Variants in CCDC80 observed in about 807,000 individuals in gnomAD.
CCDC80 encodes the protein coiled-coil domain-containing protein 80.
A neutral mutation model predicts 78.7 loss-of-function variants in CCDC80; 49 were observed. The ratio of observed to expected loss-of-function variants is 0.62; its 90% CI spans 0.50 to 0.79. CCDC80 has a LOEUF of 0.79. CCDC80 is among the 30% of genes least tolerant of loss of function. The probability of loss-of-function intolerance (pLI) is 0.00; values close to 1 mark genes in which losing one functional copy is unlikely to be tolerated. For missense variants in CCDC80, 1,205 were observed against 1,198.6 expected, an observed-to-expected ratio of 1.01 and a Z score of -0.08; for synonymous variants, 488 against 447.0, an observed-to-expected ratio of 1.09 and a Z score of -1.16.
chr3:112,621,026 A>G (rs1445344064), intron 3 of CCDC80, among the ~76,000 whole-genome samples: 1 of 152,188 alleles, frequency 6.6e-6, no homozygotes, highest in Non-Finnish European at 1.5e-5. Flanking sequence ...AAATCACTGA[A>G]TGGCTCAGAT....
chr3:112,632,849 C>A (rs777885246), intron 2 of CCDC80, among the ~76,000 whole-genome samples: 1 of 152,194 alleles, frequency 6.6e-6, no homozygotes, highest in Non-Finnish European at 1.5e-5. Flanking sequence ...GTTCTGGCCC[C>A]GGGCTCTCTT....
intron 2 of CCDC80, among the ~76,000 whole-genome samples, chr3:112,636,955 G>T: frequency 6.6e-6 from 1 of 152,168 alleles, no homozygotes; most frequent in East Asian, 1.9e-4. Flanking sequence ...GGAAATTTTG[G>T]AGGGGCAGTA....
At chr3:112,608,577 G>A (rs1172095934) in intron 6 of CCDC80, among the ~76,000 whole-genome samples, 2 of 152,110 alleles carry the variant, frequency 1.3e-5, no homozygotes, top group Non-Finnish European at 2.9e-5. Flanking sequence ...CCACCAAATA[G>A]CTGCTACAAA....
chr3:112,636,840 T>C (rs1936217510), intron 2 of CCDC80, among the ~76,000 whole-genome samples: 1 of 152,176 alleles, frequency 6.6e-6, no homozygotes, highest in Admixed American at 6.5e-5. Flanking sequence ...CTGACTCACA[T>C]TACCCAACAT....
intron 7 of CCDC80, 34 bp downstream of exon 7, chr3:112,607,142 T>C: frequency 6.8e-7 from 1 of 1,465,004 alleles, no homozygotes; most frequent in Non-Finnish European, 9.5e-7. Flanking sequence ...AACTTAACAC[T>C]AGTTCATACT....
chr3:112,637,726 G>T (rs1040749984), intron 2 of CCDC80, among the ~76,000 whole-genome samples: 1 of 152,148 alleles, frequency 6.6e-6, no homozygotes. Flanking sequence ...ATGGGGGAAG[G>T]GTCCCTACAG....
intron 3 of CCDC80, among the ~76,000 whole-genome samples, chr3:112,621,300 C>A (rs1935862711): frequency 6.6e-6 from 1 of 152,162 alleles, no homozygotes; most frequent in Non-Finnish European, 1.5e-5. Flanking sequence ...TGAGAATATG[C>A]CCACACCAGC....
rs1935365464 is a variant in CCDC80 at position 112,601,089 on chromosome 3, C to A, written c.*4328G>T. On this transcript the variant is annotated 3_prime_UTR_variant, in exon 8 of 8. Transcript: ENST00000206423. Reference sequence around the variant, plus strand: ...TAATTCACACACTAAGAACTGAGTTCTAAAGTCACTTGAGCTTTCTGGAGC... The same window carrying A: ...TAATTCACACACTAAGAACTGAGTTATAAAGTCACTTGAGCTTTCTGGAGC... The A allele has an allele frequency of 6.6e-6, 1 of 152,154 alleles. No homozygotes were observed. The highest frequency in any genetic ancestry group is 2.4e-5 in the African/African-American group (1 of 41,428). 9.4% of individuals were successfully genotyped at this position (152,154 alleles called of 1,614,324 possible).
chr3:112,609,845 A>C lies in CCDC80; in HGVS notation c.2425+133T>G. On this transcript the variant is annotated intron_variant, in intron 6 of 7. Coordinates refer to ENST00000206423, the MANE Select transcript of CCDC80 (RefSeq NM_199511.3). ...AGCAACTTTATACTCAATATAGTAGAGTATGTGTCTGGAAACCTGAACAGT... is the reference window on the plus strand; with the variant it reads ...AGCAACTTTATACTCAATATAGTAGCGTATGTGTCTGGAAACCTGAACAGT... The C allele has an allele frequency of 6.2e-6, 4 of 643,012 alleles. 1 individual carries two copies. In the South Asian group the frequency reaches 8.9e-5, roughly 14 times the overall value. 39.8% of individuals were successfully genotyped at this position (643,012 alleles called of 1,614,324 possible). A position where few individuals can be genotyped will look rare whatever the true frequency, so the allele number is the denominator to read the frequency against.
intron 5 of CCDC80, among the ~76,000 whole-genome samples, chr3:112,614,509 C>T (rs914823031): frequency 2.0e-5 from 3 of 151,800 alleles, no homozygotes; most frequent in African/African-American, 7.3e-5. Flanking sequence ...TGTTTTAATA[C>T]CCCCGAGACC....
At position 112,602,587 on chromosome 3, in the gene CCDC80, G is replaced by A. The variant is rs189569066; in HGVS notation, c.*2830C>T. 1 of 152,232 alleles carries A rather than the reference G, an allele frequency of 6.6e-6. No individual in the cohort carries two copies. The highest frequency in any genetic ancestry group is 2.4e-5 in the African/African-American group (1 of 41,454). The allele number at this position is 152,232 out of a possible 1,614,324, so 9.4% of individuals were successfully genotyped here. ...GTAAAACAGCCTTACTGCTGATATG[G>A]AGAAACTTTGAGTCATCTGAATAGA... On this transcript the variant is annotated 3_prime_UTR_variant, in exon 8 of 8. Transcript: ENST00000206423.
intron 4 of CCDC80, among the ~76,000 whole-genome samples, chr3:112,617,131 G>T (rs1197917104): frequency 6.6e-6 from 1 of 152,120 alleles, no homozygotes; most frequent in African/African-American, 2.4e-5. Flanking sequence ...CACCATACAA[G>T]TCCTAGGTTC....
At position 112,638,801 on chromosome 3, in the gene CCDC80, C is replaced by G; in HGVS notation, c.1105G>C (p.Val369Leu). The G allele has an allele frequency of 1.2e-6, 2 of 1,613,746 alleles. No individual in the cohort carries two copies. Among genetic ancestry groups the G allele is most frequent in the Non-Finnish European group, 1.7e-6 (2 of 1,179,990 alleles). Residue 369 changes from valine to leucine, a missense_variant, in exon 2 of 8, where the codon GTA becomes CTA. Val to Leu is a conservative substitution (Grantham distance 32). Coordinates refer to ENST00000206423, the MANE Select transcript of CCDC80 (RefSeq NM_199511.3). ...TTVTRSTSRAVTVAARPMTTT... is the reference protein window; with the variant it reads ...TTVTRSTSRALTVAARPMTTT... ...GTCATAGGTCTTGCAGCAACTGTTA[C>G]CGCCCGGGACGTGGACCGAGTCACT...
chr3:112,608,736 T>G (rs771955018), intron 6 of CCDC80, among the ~76,000 whole-genome samples: 4 of 152,188 alleles, frequency 2.6e-5, no homozygotes, highest in Non-Finnish European at 5.9e-5. Flanking sequence ...ACAATCAAAT[T>G]TATATGTTAA....
At position 112,602,942 on chromosome 3, in the gene CCDC80, AC is replaced by A. The variant is rs1343391292; in HGVS notation, c.*2474del. 1 of 153,782 alleles carries A rather than the reference AC, an allele frequency of 6.5e-6. No homozygotes were observed. The highest frequency in any genetic ancestry group is 1.4e-5 in the Non-Finnish European group (1 of 69,284). The allele number at this position is 153,782 out of a possible 1,614,324, so 9.5% of individuals were successfully genotyped here. A position where few individuals can be genotyped will look rare whatever the true frequency, so the allele number is the denominator to read the frequency against. On this transcript the variant is annotated 3_prime_UTR_variant, in exon 8 of 8. Transcript: ENST00000206423. ...TGGAAGAAGATGCCATCTCAGACTT[AC>A]GTATCTAGAGAGGAGTAGTCAATGC... is the stretch of plus-strand genomic sequence containing the variant.
intron 3 of CCDC80, among the ~76,000 whole-genome samples, chr3:112,622,527 T>C (rs184015757): frequency 2.6e-5 from 4 of 152,324 alleles, no homozygotes; most frequent in Non-Finnish European, 4.4e-5. Context: ...AGTGTTGAGG[T>C]TCTCTTTAGT....
At chr3:112,634,056 C>A (rs1936157399) in intron 2 of CCDC80, among the ~76,000 whole-genome samples, 1 of 152,004 alleles carries the variant, frequency 6.6e-6, no homozygotes, top group South Asian at 2.1e-4. Context: ...GTAAAGAGAG[C>A]AAAGAGCAAT....
intron 5 of CCDC80, among the ~76,000 whole-genome samples, chr3:112,615,202 A>G (rs1031064125): frequency 6.6e-6 from 1 of 152,218 alleles, no homozygotes; most frequent in African/African-American, 2.4e-5. Flanking sequence ...GTTACATCCC[A>G]GAAGACCCAA....
At chr3:112,624,517 A>G (rs1487433886) in intron 3 of CCDC80, among the ~76,000 whole-genome samples, 2 of 152,152 alleles carry the variant, frequency 1.3e-5, no homozygotes, top group African/African-American at 2.4e-5. Flanking sequence ...ATAAGTTTAA[A>G]TTACTTTGCA....
Sources: allele counts gnomAD v4.1 joint callset (sites outside exome capture counted in the v4.1 genomes callset), GRCh38; gene constraint gnomAD v4.1.1; transcripts MANE v1.5; gene names NCBI Gene and HGNC (gene_info 2026-07-23, HGNC 2026-07-21).